The following VANGL1 variants were observed in gnomAD, a reference collection of about 807,000 sequenced individuals.
VANGL1 encodes the protein VANGL planar cell polarity protein 1.
In VANGL1, 18 loss-of-function variants were observed where a neutral mutation model predicts 48.4. The observed-to-expected ratio is 0.37, with a 90% CI of 0.26 to 0.55. The LOEUF (loss-of-function observed/expected upper bound fraction) is 0.55. Ranked by LOEUF, VANGL1 falls within the 20% of genes least tolerant of loss-of-function variation. The probability of loss-of-function intolerance (pLI) is 0.81; values close to 1 mark genes in which losing one functional copy is unlikely to be tolerated. For synonymous variants in VANGL1, 257 were observed against 261.8 expected, an observed-to-expected ratio of 0.98 and a Z score of 0.18; for missense variants, 667 against 675.8, an observed-to-expected ratio of 0.99 and a Z score of 0.14.
intron 3 of VANGL1, among the ~76,000 whole-genome samples, chr1:115,660,087 G>C (rs538375411): frequency 6.6e-6 from 1 of 152,238 alleles, no homozygotes; most frequent in Non-Finnish European, 1.5e-5. Flanking sequence ...ACAGTATAAG[G>C]GGGAGAAGGA....
intron 1 of VANGL1, among the ~76,000 whole-genome samples, chr1:115,647,034 G>A (rs749636689): frequency 1.1e-4 from 16 of 152,236 alleles, no homozygotes; most frequent in Non-Finnish European, 1.9e-4. Context: ...GAGCTAGAGC[G>A]TCGGGCAGGA....
At chr1:115,671,284 A>C (rs1260164594) in intron 4 of VANGL1, 1 of 152,298 alleles carries the variant, frequency 6.6e-6, no homozygotes, top group African/African-American at 2.4e-5. Flanking sequence ...ACTCACCACA[A>C]GTGGCTGGGT....
At position 115,694,005 on chromosome 1, in the gene VANGL1, T is replaced by G. The variant is rs772405619; in HGVS notation, c.*2626T>G. 2.6e-5 allele frequency: 4 copies of G among 152,154 alleles called. No individual in the cohort carries two copies. The highest frequency in any genetic ancestry group is 5.9e-5 in the Non-Finnish European group (4 of 68,024). The allele number at this position is 152,154 out of a possible 1,614,324, so 9.4% of individuals were successfully genotyped here. Reference sequence around the variant, plus strand: ...GAGTGTTAAAGAACTTAATGAGGAGTCTATATCTGAGATTGCTCTCTTCCC... The same window carrying G: ...GAGTGTTAAAGAACTTAATGAGGAGGCTATATCTGAGATTGCTCTCTTCCC... On this transcript the variant is annotated 3_prime_UTR_variant, in exon 8 of 8. Coordinates refer to ENST00000355485, the MANE Select transcript of VANGL1 (RefSeq NM_138959.3).
rs987708662 is a variant in VANGL1 at position 115,696,760 on chromosome 1, G to A, written c.*5381G>A. 3 of 152,156 alleles carry A rather than the reference G, an allele frequency of 2.0e-5. No homozygotes were observed. The highest frequency in any genetic ancestry group is 4.4e-5 in the Non-Finnish European group (3 of 68,024). The allele number at this position is 152,156 out of a possible 1,614,324, so 9.4% of individuals were successfully genotyped here. A position where few individuals can be genotyped will look rare whatever the true frequency, so the allele number is the denominator to read the frequency against. On this transcript the variant is annotated 3_prime_UTR_variant, in exon 8 of 8. Transcript: ENST00000355485. ...TCCAACAAAAGAGCAGATTCCTAAA[G>A]CCAGGTGCAGCACTGTGAAAAGTTT...
rs1283640546 is a variant in VANGL1, at chr1:115,693,233, A to G, written c.*1854A>G. 6.6e-6 allele frequency: 1 copy of G among 152,618 alleles called. No individual in the cohort carries two copies. Among genetic ancestry groups the G allele is most frequent in the Non-Finnish European group, 1.5e-5 (1 of 68,016 alleles). 9.5% of individuals were successfully genotyped at this position (152,618 alleles called of 1,614,324 possible). ...TAGTTTTTGCCGTTAGATCCCTTCAAACTGGAAGTTCCTTACAATATCTTT... is the reference window on the plus strand; with the variant it reads ...TAGTTTTTGCCGTTAGATCCCTTCAGACTGGAAGTTCCTTACAATATCTTT... On this transcript the variant is annotated 3_prime_UTR_variant, in exon 8 of 8. Transcript: ENST00000355485.
At position 115,664,236 on chromosome 1, in the gene VANGL1, C is replaced by G; in HGVS notation, c.780C>G (p.Gly260=). The change falls in exon 4 of 8, where the codon GGC becomes GGG. Residue 260 remains glycine (G), a synonymous_variant. Transcript: ENST00000355485. ...TGCAGGTGGTCCGCTCCACCGATGGCGAGTCCCGCTTCTACAGCCTGGGAC... is the reference window on the plus strand; with the variant it reads ...TGCAGGTGGTCCGCTCCACCGATGGGGAGTCCCGCTTCTACAGCCTGGGAC... The part of the protein sequence containing the change: ...FTLQVVRSTD[G]ESRFYSLGHL... 1.2e-6 allele frequency: 2 copies of G among 1,613,970 alleles called. No homozygotes were observed. Among genetic ancestry groups the G allele is most frequent in the East Asian group, 2.2e-5 (1 of 44,870 alleles).
At chr1:115,686,370 CA>C (rs10667490) in intron 7 of VANGL1, among the ~76,000 whole-genome samples, 5,716 of 104,832 alleles carry the variant, frequency 0.055, 269 homozygotes, top group African/African-American at 0.17. Context: ...AGACTCCGTC[CA>C]AAAAAAAAAA....
chr1:115,698,059 C>CAA lies in VANGL1; in HGVS notation c.*6681_*6682insAA, dbSNP rs774333141. Reference sequence around the variant, plus strand: ...CTTCTTCTCATTGTGATGTCAGTAACAGAGTTAGTGTCTCTGATGGAATAG... The same window carrying CAA: ...CTTCTTCTCATTGTGATGTCAGTAACAAAGAGTTAGTGTCTCTGATGGAATAG... On this transcript the variant is annotated 3_prime_UTR_variant, in exon 8 of 8. Transcript: ENST00000355485. The CAA allele has an allele frequency of 6.6e-6, 1 of 152,188 alleles. No homozygotes were observed. Among genetic ancestry groups the CAA allele is most frequent in the Non-Finnish European group, 1.5e-5 (1 of 68,046 alleles). 9.4% of individuals were successfully genotyped at this position (152,188 alleles called of 1,614,324 possible). A position where few individuals can be genotyped will look rare whatever the true frequency, so the allele number is the denominator to read the frequency against.
At chr1:115,650,419 T>C (rs1048922822) in intron 1 of VANGL1, among the ~76,000 whole-genome samples, 1 of 152,188 alleles carries the variant, frequency 6.6e-6, no homozygotes, top group Non-Finnish European at 1.5e-5. Flanking sequence ...TTTATTTTTA[T>C]TGCAAAGCAA....
intron 4 of VANGL1, among the ~76,000 whole-genome samples, chr1:115,677,463 C>A (rs1653211508): frequency 6.6e-6 from 1 of 152,218 alleles, no homozygotes; most frequent in South Asian, 2.1e-4. Context: ...TCCCTTAGAC[C>A]TTTGTGTAGA....
At chr1:115,650,266 G>A (rs545680025) in intron 1 of VANGL1, among the ~76,000 whole-genome samples, 12 of 152,252 alleles carry the variant, frequency 7.9e-5, no homozygotes, top group South Asian at 4.2e-4. Flanking sequence ...AGCTTCCAGC[G>A]GCTGGAAGAA....
intron 2 of VANGL1, among the ~76,000 whole-genome samples, chr1:115,656,887 G>A (rs1008132354): frequency 2.0e-5 from 3 of 152,222 alleles, no homozygotes; most frequent in East Asian, 1.9e-4. Flanking sequence ...TTGACCCATG[G>A]GACTAGTGAA....
At chr1:115,682,647 C>A in intron 5 of VANGL1, 150 bp downstream of exon 5, 2 of 1,242,476 alleles carry the variant, frequency 1.6e-6, no homozygotes, top group Non-Finnish European at 1.1e-6. Context: ...TTTATGTAGG[C>A]AGACACATGT....
intron 3 of VANGL1, among the ~76,000 whole-genome samples, chr1:115,661,337 C>T (rs1329269994): frequency 1.3e-5 from 2 of 152,174 alleles, no homozygotes; most frequent in Admixed American, 1.3e-4. Context: ...TAGTCAATCT[C>T]TGCCCCACCC....
intron 7 of VANGL1, among the ~76,000 whole-genome samples, chr1:115,686,565 G>C (rs142016484): frequency 6.6e-6 from 1 of 152,100 alleles, no homozygotes; most frequent in East Asian, 1.9e-4. Context: ...CTACAGAGAA[G>C]TGGGTTCAAA....
chr1:115,661,897 C>T (rs371860237), intron 3 of VANGL1, among the ~76,000 whole-genome samples: 42 of 152,280 alleles, frequency 2.8e-4, no homozygotes, highest in East Asian at 2.5e-3. Context: ...GGATTACAGG[C>T]GTGAGCCACC....
intron 4 of VANGL1, among the ~76,000 whole-genome samples, chr1:115,667,760 C>G (rs1652844156): frequency 6.6e-6 from 1 of 152,218 alleles, no homozygotes; most frequent in Non-Finnish European, 1.5e-5. Flanking sequence ...TTACCAGAGA[C>G]TAATGACTGT....
At chr1:115,644,052 A>T (rs1338489410) in intron 1 of VANGL1, among the ~76,000 whole-genome samples, 1 of 152,188 alleles carries the variant, frequency 6.6e-6, no homozygotes, top group Non-Finnish European at 1.5e-5. Flanking sequence ...AGAAGTTGAA[A>T]TTGCAAAATT....
At chr1:115,684,523 G>A (rs1653518207) in intron 6 of VANGL1, among the ~76,000 whole-genome samples, 1 of 152,204 alleles carries the variant, frequency 6.6e-6, no homozygotes, top group Non-Finnish European at 1.5e-5. Context: ...CACCTTTGGA[G>A]TGCACCTTGC....
Sources: gnomAD v4.1 joint callset for allele counts (sites outside exome capture counted in the v4.1 genomes callset) on GRCh38, gnomAD v4.1.1 for gene constraint, MANE v1.5 for transcripts, NCBI Gene and HGNC (gene_info 2026-07-23, HGNC 2026-07-21) for gene names.